KCNG2: variants seen among roughly 807,000 people sequenced by gnomAD.
The protein encoded by KCNG2 is voltage-gated potassium channel regulatory subunit KCNG2.
A neutral mutation model predicts 12.3 loss-of-function variants in KCNG2; 7 were observed. That is an observed-to-expected ratio of 0.57 (90% CI 0.32 to 1.07). The LOEUF is 1.07. Ranked by LOEUF, KCNG2 falls within the 50% of genes least tolerant of loss-of-function variation. The pLI is 0.04. For missense variants in KCNG2, 703 were observed against 726.0 expected, an observed-to-expected ratio of 0.97 and a Z score of 0.36; for synonymous variants, 414 against 351.4, an observed-to-expected ratio of 1.18 and a Z score of -1.99.
At chr18:79,804,520 G>T (rs1313830558) in intron 1 of KCNG2, among the ~76,000 whole-genome samples, 1 of 152,212 alleles carries the variant, frequency 6.6e-6, no homozygotes, top group African/African-American at 2.4e-5. Flanking sequence ...CCCGTGGCCG[G>T]TCCTGAGCCA....
Position 79,828,512 on chromosome 18 carries a change from TA to T in KCNG2, c.-114-27866del, listed in dbSNP as rs1296489889. Among the ~76,000 whole-genome samples, 109 of 22,252 alleles carry T rather than the reference TA, an allele frequency of 4.9e-3. 1 individual carries two copies. In the Non-Finnish European group the frequency reaches 0.079, roughly 16 times the overall value. 14.6% of individuals were successfully genotyped at this position (22,252 alleles called of 152,430 possible). A position where few individuals can be genotyped will look rare whatever the true frequency, so the allele number is the denominator to read the frequency against. On this transcript the variant is annotated intron_variant, in intron 1 of 3. Transcript: ENST00000316249. ...GCATATGTGTCTACATGAGTCTGTG[TA>T]GTGTAACGTGTTTATGCATGTCTGT...
At chr18:79,823,262 C>T (rs544827677) in intron 1 of KCNG2, among the ~76,000 whole-genome samples, 6 of 152,344 alleles carry the variant, frequency 3.9e-5, no homozygotes, top group Admixed American at 6.5e-5. Flanking sequence ...TTGCTCTGTG[C>T]GGGCACTGGG....
intron 1 of KCNG2, among the ~76,000 whole-genome samples, chr18:79,840,577 A>G (rs1265414299): frequency 2.0e-5 from 3 of 152,236 alleles, no homozygotes; most frequent in Non-Finnish European, 4.4e-5. Flanking sequence ...TTTAAAAAAT[A>G]TATAGATGAG....
In KCNG2 at chr18:79,864,308, G is replaced by A. The variant is rs763455583; in HGVS notation, c.624+17G>A. The A allele has an allele frequency of 2.6e-6, 4 of 1,510,834 alleles. No individual in the cohort carries two copies. Among genetic ancestry groups the A allele is most frequent in the Admixed American group, 1.9e-5 (1 of 51,612 alleles). 93.6% of individuals were successfully genotyped at this position (1,510,834 alleles called of 1,614,324 possible). On this transcript the variant is annotated intron_variant, in intron 3 of 3. Coordinates refer to ENST00000316249, the MANE Select transcript of KCNG2 (RefSeq NM_012283.2). ...GAGGAGCGGGTGAGCGCGGCCGGGGGTGGCGGGGACCGGGCCGGAGCTGGG... is the reference window on the plus strand; with the variant it reads ...GAGGAGCGGGTGAGCGCGGCCGGGGATGGCGGGGACCGGGCCGGAGCTGGG...
intron 1 of KCNG2, among the ~76,000 whole-genome samples, chr18:79,827,400 A>G (rs1486592305): frequency 6.6e-6 from 1 of 152,188 alleles, no homozygotes; most frequent in Non-Finnish European, 1.5e-5. Context: ...GTGAGATGCT[A>G]TCTTAGGTAG....
chr18:79,882,939 C>T (rs972729406), intron 3 of KCNG2, among the ~76,000 whole-genome samples: 1 of 152,230 alleles, frequency 6.6e-6, no homozygotes, highest in Non-Finnish European at 1.5e-5. Context: ...CTGCGCTCAT[C>T]GCACACCAGC....
chr18:79,809,248 G>C (rs1312468790), intron 1 of KCNG2, among the ~76,000 whole-genome samples: 6 of 59,170 alleles, frequency 1.0e-4, no homozygotes, highest in South Asian at 1.3e-3. Context: ...TCCACGTTAT[G>C]GGCCCAGAGT....
chr18:79,881,998 C>T (rs188740586), intron 3 of KCNG2, among the ~76,000 whole-genome samples: 52 of 150,988 alleles, frequency 3.4e-4, no homozygotes, highest in Admixed American at 2.8e-3. Flanking sequence ...CAACTGAACT[C>T]CCATATTTTA....
rs531995658 is a variant in KCNG2 at position 79,851,504 on chromosome 18, C to T, written c.-114-4875C>T. Among the ~76,000 whole-genome samples the T allele has an allele frequency of 2.0e-5, 3 of 152,300 alleles. No individual in the cohort carries two copies. The South Asian group carries it at 6.2e-4, about 32-fold the overall frequency. On this transcript the variant is annotated intron_variant, in intron 1 of 3. Transcript: ENST00000316249. ...GCGCCTCCGACACTCAGAGGATGCACATGATATTAAACCAGTAAGAGCAGA... is the reference window on the plus strand; with the variant it reads ...GCGCCTCCGACACTCAGAGGATGCATATGATATTAAACCAGTAAGAGCAGA...
At position 79,863,578 on chromosome 18, in the gene KCNG2, C is replaced by G. The variant is rs1032838371; in HGVS notation, c.-40-50C>G. The G allele has an allele frequency of 3.3e-5, 38 of 1,136,360 alleles. 1 individual carries two copies. In the Admixed American group the frequency reaches 1.3e-3, roughly 38 times the overall value. The allele number at this position is 1,136,360 out of a possible 1,614,324, so 70.4% of individuals were successfully genotyped here. ...CCCTGGATCCCCGCGGGCGGACGCG[C>G]TCCCCCAGCTCAGCCCTCGCGACCC... On this transcript the variant is annotated intron_variant, in intron 2 of 3. Transcript: ENST00000316249.
intron 1 of KCNG2, among the ~76,000 whole-genome samples, chr18:79,845,673 C>A (rs1978598647): frequency 6.6e-6 from 1 of 152,166 alleles, no homozygotes; most frequent in Admixed American, 6.5e-5. Flanking sequence ...ATCTCATTAG[C>A]AAGTTCTCTT....
chr18:79,831,647 G>T (rs1244999418), intron 1 of KCNG2, among the ~76,000 whole-genome samples: 3 of 111,470 alleles, frequency 2.7e-5, no homozygotes, highest in African/African-American at 7.5e-5. Context: ...TCAGGAGCGT[G>T]CCCTGCGGAC....
chr18:79,825,209 C>A (rs1473722886), intron 1 of KCNG2, among the ~76,000 whole-genome samples: 1 of 152,160 alleles, frequency 6.6e-6, no homozygotes, highest in East Asian at 1.9e-4. Flanking sequence ...ATCTGCACTT[C>A]CTCTGGGTTT....
intron 3 of KCNG2, among the ~76,000 whole-genome samples, chr18:79,875,590 T>C (rs1980036739): frequency 6.6e-6 from 1 of 152,100 alleles, no homozygotes; most frequent in Non-Finnish European, 1.5e-5. Context: ...ATCACTCCCG[T>C]CCCACCCTAC....
At chr18:79,807,737 C>G (rs1200074241) in intron 1 of KCNG2, among the ~76,000 whole-genome samples, 2 of 152,122 alleles carry the variant, frequency 1.3e-5, no homozygotes, top group Non-Finnish European at 2.9e-5. Context: ...CTGACGGGCA[C>G]TCCATGTTAT....
At chr18:79,834,637 A>C (rs148262279) in intron 1 of KCNG2, among the ~76,000 whole-genome samples, 8 of 152,264 alleles carry the variant, frequency 5.3e-5, no homozygotes, top group African/African-American at 1.2e-4. Context: ...AAACCAGTGT[A>C]TCAAGTGAAT....
chr18:79,899,949 C>T lies in KCNG2; in HGVS notation c.*133C>T, dbSNP rs1272384654. 8 of 820,006 alleles carry T rather than the reference C, an allele frequency of 9.8e-6. No homozygotes were observed. Among genetic ancestry groups the T allele is most frequent in the African/African-American group, 1.8e-5 (1 of 55,286 alleles). 50.8% of individuals were successfully genotyped at this position (820,006 alleles called of 1,614,324 possible). A position where few individuals can be genotyped will look rare whatever the true frequency, so the allele number is the denominator to read the frequency against. On this transcript the variant is annotated 3_prime_UTR_variant, in exon 4 of 4. Coordinates refer to ENST00000316249, the MANE Select transcript of KCNG2 (RefSeq NM_012283.2). ...GCCGGCCGCGTCCTCGGCCCTCGTG[C>T]GTGAGCAGCCCCAGAACTTGGCGGG...
rs140965654 is a variant in KCNG2 at position 79,895,985 on chromosome 18, A to C, written c.625-3055A>C. ...AGATATATATATGTATTTTTTTTTG[A>C]GATGGAGTCTCACTGTGTTGCCCAG... is the stretch of plus-strand genomic sequence containing the variant. On this transcript the variant is annotated intron_variant, in intron 3 of 3. Coordinates refer to ENST00000316249, the MANE Select transcript of KCNG2 (RefSeq NM_012283.2). 2.0e-5 allele frequency among the ~76,000 whole-genome samples: 3 copies of C among 151,892 alleles called. No individual in the cohort carries two copies. In the East Asian group the frequency reaches 5.8e-4, roughly 29 times the overall value.
Position 79,888,898 on chromosome 18 carries a change from C to T in KCNG2, c.625-10142C>T, listed in dbSNP as rs141089748. Among the ~76,000 whole-genome samples, 1,457 of 152,130 alleles carry T rather than the reference C, an allele frequency of 9.6e-3. 29 individuals are homozygous for T. The highest frequency in any genetic ancestry group is 0.033 in the African/African-American group (1,363 of 41,488). On this transcript the variant is annotated intron_variant, in intron 3 of 3. Coordinates refer to ENST00000316249, the MANE Select transcript of KCNG2 (RefSeq NM_012283.2). ...TTCACCATGTTACTCAGGCTGGTCT[C>T]GAACTCCTGACCTCAAATGATCTGC...
Sources: allele counts gnomAD v4.1 joint callset (sites outside exome capture counted in the v4.1 genomes callset), GRCh38; gene constraint gnomAD v4.1.1; transcripts MANE v1.5; gene names NCBI Gene and HGNC (gene_info 2026-07-23, HGNC 2026-07-21).